The following NTN1 variants were observed in gnomAD, a reference collection of about 807,000 sequenced individuals.
The protein encoded by NTN1 is netrin 1.
A neutral mutation model predicts 54.2 loss-of-function variants in NTN1; 11 were observed. The ratio of observed to expected loss-of-function variants is 0.20; its 90% CI spans 0.13 to 0.34. NTN1 has a LOEUF of 0.34. NTN1 is among the 10% of genes least tolerant of loss of function. The pLI is 1.00. For missense variants in NTN1, 740 were observed against 893.1 expected (o/e 0.83, Z 2.18); for synonymous variants, 371 against 382.0 (o/e 0.97, Z 0.33).
chr17:9,147,920 A>G (rs982351084), intron 2 of NTN1, among the ~76,000 whole-genome samples: 3 of 152,214 alleles, frequency 2.0e-5, no homozygotes, highest in Non-Finnish European at 4.4e-5. Context: ...ACCACAAAGC[A>G]TATCATGATG....
Position 9,165,892 on chromosome 17 carries a change from A to G in NTN1, c.1207+2891A>G, listed in dbSNP as rs1156573758. On this transcript the variant is annotated intron_variant, in intron 3 of 6. Coordinates refer to ENST00000173229, the MANE Select transcript of NTN1 (RefSeq NM_004822.3). The surrounding 1 kb of genome is among the most constrained non-coding windows in gnomAD (Gnocchi z 4.5). ...CTTCATGATTGGCAAGAAAATATCT[A>G]CTCTCTGATTGGTGAGCAAAAATTT... 6.6e-6 allele frequency among the ~76,000 whole-genome samples: 1 copy of G among 151,814 alleles called. No homozygotes were observed. The highest frequency in any genetic ancestry group is 1.5e-5 in the Non-Finnish European group (1 of 67,962).
intron 2 of NTN1, among the ~76,000 whole-genome samples, chr17:9,101,374 G>A (rs541193660): frequency 6.6e-6 from 1 of 152,206 alleles, no homozygotes; most frequent in African/African-American, 2.4e-5. Flanking sequence ...GGAATTCCCC[G>A]TGTTGTTTGA....
chr17:9,230,060 G>C (rs1459524067), intron 6 of NTN1, among the ~76,000 whole-genome samples: 1 of 57,040 alleles, frequency 1.8e-5, no homozygotes, highest in Non-Finnish European at 3.2e-5. Flanking sequence ...AGCAAATGAC[G>C]GACTCTTCCC....
intron 2 of NTN1, among the ~76,000 whole-genome samples, chr17:9,119,750 G>C (rs1365203623): frequency 6.6e-6 from 1 of 152,176 alleles, no homozygotes; most frequent in Admixed American, 6.6e-5. Context: ...TTTCTGCTCT[G>C]GTCTCCTAAA....
At chr17:9,076,913 CAG>C (rs1161784085) in intron 2 of NTN1, among the ~76,000 whole-genome samples, 1 of 152,234 alleles carries the variant, frequency 6.6e-6, no homozygotes, top group Non-Finnish European at 1.5e-5. Context: ...TCCACACTGT[CAG>C]AGGTGTCTTC....
intron 5 of NTN1, among the ~76,000 whole-genome samples, chr17:9,206,515 T>G (rs887024175): frequency 4.6e-5 from 7 of 152,070 alleles, no homozygotes; most frequent in Non-Finnish European, 8.8e-5. Flanking sequence ...AGAAAAAGCC[T>G]GGCAGGCTTG....
At chr17:9,206,669 C>T (rs1904977175) in intron 5 of NTN1, among the ~76,000 whole-genome samples, 1 of 152,226 alleles carries the variant, frequency 6.6e-6, no homozygotes, top group Non-Finnish European at 1.5e-5. Flanking sequence ...CACCCAGCCT[C>T]GGAACCTTCC....
intron 6 of NTN1, among the ~76,000 whole-genome samples, chr17:9,227,838 G>C (rs926440053): frequency 6.7e-6 from 1 of 148,210 alleles, no homozygotes; most frequent in Non-Finnish European, 1.5e-5. Context: ...CATACCACAC[G>C]CATTATCGCA....
At chr17:9,132,086 C>T (rs998565671) in intron 2 of NTN1, among the ~76,000 whole-genome samples, 1 of 151,794 alleles carries the variant, frequency 6.6e-6, no homozygotes, top group African/African-American at 2.4e-5. Context: ...ATACTCTGTC[C>T]GCGCAGGAGT....
At position 9,042,402 on chromosome 17, in the gene NTN1, C is replaced by T. The variant is rs190664317; in HGVS notation, c.1018+19011C>T. 3.5e-3 allele frequency among the ~76,000 whole-genome samples: 527 copies of T among 151,518 alleles called. 5 individuals are homozygous for T. The highest frequency in any genetic ancestry group is 0.012 in the African/African-American group (492 of 41,278). On this transcript the variant is annotated intron_variant, in intron 2 of 6. Coordinates refer to ENST00000173229, the MANE Select transcript of NTN1 (RefSeq NM_004822.3). ...GAGAGGCTGAGGCAGGAAGATTGCA[C>T]GAGCGAGGGGTTTGAGGCTATAATG... is the stretch of plus-strand genomic sequence containing the variant.
intron 5 of NTN1, among the ~76,000 whole-genome samples, chr17:9,216,886 C>G (rs553791601): frequency 6.6e-6 from 1 of 152,050 alleles, no homozygotes; most frequent in Non-Finnish European, 1.5e-5. Flanking sequence ...ACTAAAGATA[C>G]AAAAAATTAG....
rs2142367304 is a variant in NTN1, at chr17:9,228,946, G to A, written c.1486+7704G>A. Reference sequence around the variant, plus strand: ...CGTGTGTGACTGGGTGTGTGGCTGTGTGACTCTGCGTGTGTGATTGTGTTT... The same window carrying A: ...CGTGTGTGACTGGGTGTGTGGCTGTATGACTCTGCGTGTGTGATTGTGTTT... On this transcript the variant is annotated intron_variant, in intron 6 of 6. Transcript: ENST00000173229. Among the ~76,000 whole-genome samples the A allele has an allele frequency of 1.8e-4, 3 of 16,446 alleles. No homozygotes were observed. The South Asian group carries it at 5.8e-3, about 32-fold the overall frequency. The allele number at this position is 16,446 out of a possible 152,430, so 10.8% of individuals were successfully genotyped here.
At position 9,023,476 on chromosome 17, in the gene NTN1, G is replaced by T. The variant is rs2091860340; in HGVS notation, c.1018+85G>T. On this transcript the variant is annotated intron_variant, in intron 2 of 6. Transcript: ENST00000173229. ...GCCTCGCAGCGGCGAGTTCATAGGA[G>T]CGCGGGTCGAGGGAACGGCGGGAGG... The T allele has an allele frequency of 1.1e-5, 14 of 1,309,596 alleles. No homozygotes were observed. In the South Asian group the frequency reaches 2.9e-4, roughly 27 times the overall value. The allele number at this position is 1,309,596 out of a possible 1,614,324, so 81.1% of individuals were successfully genotyped here. A position where few individuals can be genotyped will look rare whatever the true frequency, so the allele number is the denominator to read the frequency against.
Position 9,133,347 on chromosome 17 carries a change from C to T in NTN1, c.1019-29466C>T, listed in dbSNP as rs1319021465. Among the ~76,000 whole-genome samples the T allele has an allele frequency of 2.6e-5, 4 of 152,196 alleles. No homozygotes were observed. The East Asian group carries it at 5.8e-4, about 22-fold the overall frequency. On this transcript the variant is annotated intron_variant, in intron 2 of 6. Coordinates refer to ENST00000173229, the MANE Select transcript of NTN1 (RefSeq NM_004822.3). ...TGCCAAGACCAGGAGGTCAGGTGCTCGCCTAAGGGCTTGCCGAGGAAGGAT... is the reference window on the plus strand; with the variant it reads ...TGCCAAGACCAGGAGGTCAGGTGCTTGCCTAAGGGCTTGCCGAGGAAGGAT...
At chr17:9,144,876 C>T (rs1418127424) in intron 2 of NTN1, among the ~76,000 whole-genome samples, 2 of 152,232 alleles carry the variant, frequency 1.3e-5, no homozygotes, top group African/African-American at 2.4e-5. Context: ...AGACCAGTGT[C>T]CCTGCCTCCT....
chr17:9,128,172 T>G (rs756025331), intron 2 of NTN1, among the ~76,000 whole-genome samples: 2 of 151,230 alleles, frequency 1.3e-5, no homozygotes, highest in African/African-American at 2.4e-5. Flanking sequence ...GAGCTGGGTG[T>G]GGTGATGCAT....
chr17:9,104,122 G>A (rs1248012818), intron 2 of NTN1, among the ~76,000 whole-genome samples: 3 of 143,300 alleles, frequency 2.1e-5, no homozygotes, highest in Non-Finnish European at 1.5e-5. Context: ...GACAAGTACC[G>A]TATGATTCCA....
chr17:9,147,894 G>C (rs1264415640), intron 2 of NTN1, among the ~76,000 whole-genome samples: 1 of 152,232 alleles, frequency 6.6e-6, no homozygotes, highest in African/African-American at 2.4e-5. Flanking sequence ...TTGGGGTTCA[G>C]ATTTTGATCA....
At chr17:9,094,341 C>T (rs1224106495) in intron 2 of NTN1, among the ~76,000 whole-genome samples, 6 of 151,918 alleles carry the variant, frequency 3.9e-5, no homozygotes, top group Non-Finnish European at 5.9e-5. Context: ...GGAGCTAAAC[C>T]TCTGTGTGTC....
Sources: gnomAD v4.1 joint callset for allele counts (sites outside exome capture counted in the v4.1 genomes callset) on GRCh38, gnomAD v4.1.1 for gene constraint, Gnocchi (gnomAD v3.1) non-coding constraint, MANE v1.5 for transcripts, NCBI Gene and HGNC (gene_info 2026-07-23, HGNC 2026-07-21) for gene names.